The following IGF1R variants were observed in gnomAD, a reference collection of about 807,000 sequenced individuals.
IGF1R encodes the protein insulin-like growth factor 1 receptor.
Under a neutral mutation model 144.6 loss-of-function variants are expected in IGF1R, and 44 were observed. That is an observed-to-expected ratio of 0.30 (90% CI 0.24 to 0.39). The LOEUF is 0.39. Ranked by LOEUF, IGF1R falls within the 10% of genes least tolerant of loss-of-function variation. IGF1R has a pLI of 1.00. For missense variants in IGF1R, 1,355 were observed against 1,833.7 expected (o/e 0.74, Z 4.77); for synonymous variants, 795 against 722.8 (o/e 1.10, Z -1.60).
Position 98,957,288 on chromosome 15 carries a change from C to T in IGF1R, c.3950C>T (p.Pro1317Leu), listed in dbSNP as rs775531453. 1 of 1,613,862 alleles carries T rather than the reference C, an allele frequency of 6.2e-7. No individual in the cohort carries two copies. Among genetic ancestry groups the T allele is most frequent in the Non-Finnish European group, 8.5e-7 (1 of 1,179,842 alleles). ...PSASSSSLPL[P>L]DRHSGHKAEN... ...GCCTCCTCGTCCTCCCTGCCACTGC[C>T]CGACAGACACTCAGGACACAAGGCC... The change falls in exon 21 of 21, where the codon CCC becomes CTC. Residue 1317 changes from proline to leucine, a missense_variant. By Grantham distance (98) the Pro-to-Leu change is moderately conservative. Transcript: ENST00000650285.
chr15:98,873,027 T>C (rs1230494302), intron 2 of IGF1R, among the ~76,000 whole-genome samples: 1 of 152,176 alleles, frequency 6.6e-6, no homozygotes, highest in Non-Finnish European at 1.5e-5. Context: ...AGAGGAATGC[T>C]ACCTCGCGTC....
At chr15:98,810,786 G>C (rs2141456210) in intron 2 of IGF1R, among the ~76,000 whole-genome samples, 1 of 151,150 alleles carries the variant, frequency 6.6e-6, no homozygotes, top group South Asian at 2.1e-4. Context: ...CTGACCTCGT[G>C]ATCCGCCCGC....
intron 2 of IGF1R, among the ~76,000 whole-genome samples, chr15:98,788,255 C>T (rs2056052584): frequency 6.6e-6 from 1 of 152,224 alleles, no homozygotes; most frequent in South Asian, 2.1e-4. Context: ...CTCACCAGCA[C>T]GAGTGCTGTG....
At chr15:98,742,012 G>A (rs748037965) in intron 2 of IGF1R, among the ~76,000 whole-genome samples, 1 of 152,214 alleles carries the variant, frequency 6.6e-6, no homozygotes, top group Non-Finnish European at 1.5e-5. Flanking sequence ...AGAGTGGGAG[G>A]TCAAAGTTAA....
chr15:98,724,179 C>T (rs190134367), intron 2 of IGF1R, among the ~76,000 whole-genome samples: 35 of 152,296 alleles, frequency 2.3e-4, no homozygotes, highest in Admixed American at 1.8e-3. Context: ...TTAACTTTTT[C>T]TATTGTGTGC....
intron 5 of IGF1R, among the ~76,000 whole-genome samples, chr15:98,901,737 C>G (rs2014492563): frequency 6.6e-6 from 1 of 152,180 alleles, no homozygotes; most frequent in African/African-American, 2.4e-5. Flanking sequence ...CTGAGAAGAT[C>G]AGACAGGCTT....
intron 5 of IGF1R, among the ~76,000 whole-genome samples, chr15:98,907,966 C>T (rs2014814008): frequency 6.6e-6 from 1 of 152,256 alleles, no homozygotes; most frequent in Non-Finnish European, 1.5e-5. Flanking sequence ...CCAGCTGAAT[C>T]AGAAGCTCTG....
chr15:98,716,685 C>T (rs2054125911), intron 2 of IGF1R, among the ~76,000 whole-genome samples: 1 of 152,148 alleles, frequency 6.6e-6, no homozygotes, highest in Non-Finnish European at 1.5e-5. Flanking sequence ...AAGAACAGAA[C>T]AGTCCTTGGA....
At chr15:98,809,444 G>A (rs1049088159) in intron 2 of IGF1R, among the ~76,000 whole-genome samples, 5 of 152,182 alleles carry the variant, frequency 3.3e-5, no homozygotes, top group African/African-American at 4.8e-5. Flanking sequence ...TTCCGCTGGC[G>A]TGAGAGGCTT....
At chr15:98,675,826 CT>C (rs869068918) in intron 1 of IGF1R, among the ~76,000 whole-genome samples, 1,686 of 46,080 alleles carry the variant, frequency 0.037, 26 homozygotes, top group African/African-American at 0.076. Flanking sequence ...TTCTTTCTTT[CT>C]TTTTTTTTTT....
intron 2 of IGF1R, among the ~76,000 whole-genome samples, chr15:98,772,319 C>A (rs1340248297): frequency 1.3e-5 from 2 of 151,752 alleles, no homozygotes; most frequent in African/African-American, 4.8e-5. Flanking sequence ...TTTTGAAAAT[C>A]ACTGATATTT....
At chr15:98,920,315 G>A (rs1185909237) in intron 10 of IGF1R, among the ~76,000 whole-genome samples, 1 of 152,164 alleles carries the variant, frequency 6.6e-6, no homozygotes, top group Non-Finnish European at 1.5e-5. Context: ...CCTTGTCACT[G>A]CCTTGATGTC....
At chr15:98,928,190 G>A (rs1351198471) in intron 13 of IGF1R, among the ~76,000 whole-genome samples, 2 of 152,126 alleles carry the variant, frequency 1.3e-5, no homozygotes, top group African/African-American at 4.8e-5. Flanking sequence ...CTCGCCTTGG[G>A]GGGATGGTAT....
intron 1 of IGF1R, among the ~76,000 whole-genome samples, chr15:98,684,784 TGCATTCTATCCAGC>T (rs1411309586): frequency 1.3e-5 from 2 of 152,144 alleles, no homozygotes; most frequent in Non-Finnish European, 2.9e-5. Context: ...AGTCTGGGCT[TGCATTCTATCCAGC>T]GCTAATATTT....
chr15:98,906,594 C>T (rs1394433347), intron 5 of IGF1R, among the ~76,000 whole-genome samples: 1 of 152,220 alleles, frequency 6.6e-6, no homozygotes, highest in Non-Finnish European at 1.5e-5. Context: ...ATGGGGTCTA[C>T]CCCCAGCAAC....
chr15:98,668,738 C>T (rs1415650133), intron 1 of IGF1R, among the ~76,000 whole-genome samples: 1 of 152,188 alleles, frequency 6.6e-6, no homozygotes, highest in African/African-American at 2.4e-5. Context: ...TCCTCTCTCC[C>T]CTCCTCAGTG....
chr15:98,883,158 T>G (rs1426918949), intron 2 of IGF1R, among the ~76,000 whole-genome samples: 2 of 152,246 alleles, frequency 1.3e-5, no homozygotes, highest in Non-Finnish European at 2.9e-5. Context: ...GATTTTCTTT[T>G]GTGAACGTTT....
intron 2 of IGF1R, among the ~76,000 whole-genome samples, chr15:98,744,358 C>T (rs1371704077): frequency 1.3e-5 from 2 of 151,980 alleles, no homozygotes; most frequent in Admixed American, 6.6e-5. Flanking sequence ...TGAAGACCTC[C>T]ACTGGGTCTT....
rs755605360 is a variant in IGF1R, at chr15:98,882,775, A to AG, written c.641-8549dup. On this transcript the variant is annotated intron_variant, in intron 2 of 20. Coordinates refer to ENST00000650285, the MANE Select transcript of IGF1R (RefSeq NM_000875.5). The stretch of plus-strand genomic sequence containing the variant: ...CTAGGCTTCCTGTTAGGAAGACAGC[A>AG]GACTCAAAATGGAGTCTCAACCCCT... Among the ~76,000 whole-genome samples the AG allele has an allele frequency of 9.3e-4, 142 of 152,342 alleles. No individual in the cohort carries two copies. In the Middle Eastern group the frequency reaches 0.014, roughly 15 times the overall value.
Sources: allele counts gnomAD v4.1 joint callset (sites outside exome capture counted in the v4.1 genomes callset), GRCh38; gene constraint gnomAD v4.1.1; transcripts MANE v1.5; gene names NCBI Gene and HGNC (gene_info 2026-07-23, HGNC 2026-07-21).